Variants in CEP131 observed in about 807,000 individuals in gnomAD.
The protein encoded by CEP131 is centrosomal protein of 131 kDa.
CEP131 carries 99 observed loss-of-function variants against 136.8 expected under a neutral mutation model. The observed-to-expected ratio is 0.72, with a 90% CI of 0.62 to 0.86. CEP131 has a LOEUF of 0.86. Among genes scored for constraint, CEP131 ranks in the 40% least tolerant of loss-of-function variants. The probability of loss-of-function intolerance (pLI) is 0.00; values close to 1 mark genes in which losing one functional copy is unlikely to be tolerated. For synonymous variants in CEP131, 646 were observed against 612.7 expected (o/e 1.05, Z -0.80); for missense variants, 1,459 against 1,463.0 (o/e 1.00, Z 0.04).
At chr17:81,196,021 C>A (rs1339608951) in intron 15 of CEP131, 70 bp from the exon 16 acceptor site, 21 of 1,312,140 alleles carry the variant, frequency 1.6e-5, no homozygotes, top group South Asian at 1.4e-4. Context: ...ATGGAGGAGA[C>A]CCTCCCAGCC....
At chr17:81,213,168 T>C (rs1450541278) in intron 2 of CEP131, among the ~76,000 whole-genome samples, 1 of 152,138 alleles carries the variant, frequency 6.6e-6, no homozygotes, top group Non-Finnish European at 1.5e-5. Context: ...GCCAAAGCTG[T>C]GACAATGAGA....
chr17:81,202,220 A>G lies in CEP131; in HGVS notation c.788+20T>C. The G allele has an allele frequency of 1.1e-6, 1 of 910,090 alleles. No homozygotes were observed. The highest frequency in any genetic ancestry group is 2.0e-5 in the South Asian group (1 of 49,910). 56.4% of individuals were successfully genotyped at this position (910,090 alleles called of 1,614,324 possible). A position where few individuals can be genotyped will look rare whatever the true frequency, so the allele number is the denominator to read the frequency against. On this transcript the variant is annotated intron_variant, in intron 7 of 25. Coordinates refer to ENST00000450824, the MANE Select transcript of CEP131 (RefSeq NM_014984.4). Reference sequence around the variant, plus strand: ...GTGTTCTAGGCTCAGGCCCCCCCCCACCGCCCCAAGATCGGTCACCTCTCA... The same window carrying G: ...GTGTTCTAGGCTCAGGCCCCCCCCCGCCGCCCCAAGATCGGTCACCTCTCA...
At chr17:81,205,194 G>A (rs923604882) in intron 5 of CEP131, among the ~76,000 whole-genome samples, 2 of 150,146 alleles carry the variant, frequency 1.3e-5, no homozygotes, top group Non-Finnish European at 3.0e-5. Context: ...GGGAAGCGGA[G>A]GTTGCGGTGA....
At chr17:81,198,523 T>C (rs533874234) in intron 11 of CEP131, among the ~76,000 whole-genome samples, 3 of 152,150 alleles carry the variant, frequency 2.0e-5, no homozygotes, top group Non-Finnish European at 4.4e-5. Context: ...AGTGCCCCAC[T>C]CCAGGAAAAC....
In CEP131 at chr17:81,191,232, G is replaced by A. The variant is rs762698805; in HGVS notation, c.2726C>T (p.Ala909Val). The change falls in exon 22 of 26, where the codon GCG (alanine) becomes GTG (valine). Residue 909 changes from alanine (A) to valine (V), a missense_variant. Around this residue, in one of 3 missense-constraint regions of CEP131, gnomAD observed 1,026 missense variants for 964.2 expected, o/e 1.06. Transcript: ENST00000450824. The part of the protein sequence containing the change: ...LVIHRLEADM[A>V]LAKEESEKAA... ...CTTCTCACTCTCCTCCTTGGCCAGC[G>A]CCATGTCGGCCTCCAGCCGGTGAAT... 1.1e-5 allele frequency: 17 copies of A among 1,612,960 alleles called. No homozygotes were observed. In the African/African-American group the frequency reaches 1.9e-4, roughly 18 times the overall value.
rs2062068618 is a variant in CEP131, at chr17:81,208,728, AG to A, written c.272+199del. 6.6e-6 allele frequency among the ~76,000 whole-genome samples: 1 copy of A among 152,164 alleles called. No individual in the cohort carries two copies. The highest frequency in any genetic ancestry group is 1.5e-5 in the Non-Finnish European group (1 of 68,012). On this transcript the variant is annotated intron_variant, in intron 3 of 25. Coordinates refer to ENST00000450824, the MANE Select transcript of CEP131 (RefSeq NM_014984.4). This position sits in a 1 kb window ranked among gnomAD's most constrained non-coding sequence, Gnocchi z 5.6. ...TGCAGTGCAGGAGAGTGTCTGCCTC[AG>A]GCCTCCCGCCCCAATGCGAGAGGAG...
intron 1 of CEP131, among the ~76,000 whole-genome samples, chr17:81,220,644 G>C (rs1186379895): frequency 1.3e-5 from 2 of 151,906 alleles, no homozygotes; most frequent in African/African-American, 4.8e-5. Flanking sequence ...ACAGGTGCCC[G>C]CCACCACGCC....
chr17:81,204,901 T>C (rs983266360), intron 5 of CEP131, among the ~76,000 whole-genome samples: 3 of 152,194 alleles, frequency 2.0e-5, no homozygotes, highest in African/African-American at 4.8e-5. Context: ...GTGAATAACC[T>C]ACCAGGACTG....
intron 11 of CEP131, 37 bp from the exon 12 acceptor site, chr17:81,198,334 C>T: frequency 1.9e-6 from 3 of 1,541,960 alleles, no homozygotes; most frequent in Non-Finnish European, 1.8e-6. Context: ...AGCAAGGCTG[C>T]TGGTAGCTGA....
intron 7 of CEP131, among the ~76,000 whole-genome samples, chr17:81,201,160 A>C (rs996166138): frequency 1.3e-5 from 2 of 152,188 alleles, no homozygotes; most frequent in Non-Finnish European, 2.9e-5. Flanking sequence ...AGAACCCAGA[A>C]CGTGTGAGCC....
At chr17:81,194,618 G>GC (rs1279704908) in intron 17 of CEP131, among the ~76,000 whole-genome samples, 1 of 152,210 alleles carries the variant, frequency 6.6e-6, no homozygotes, top group Non-Finnish European at 1.5e-5. Flanking sequence ...GAGGCACTGA[G>GC]CCCCCTCGTT....
chr17:81,219,330 T>A lies in CEP131; in HGVS notation c.177+550A>T, dbSNP rs2062332075. 6.9e-6 allele frequency among the ~76,000 whole-genome samples: 1 copy of A among 144,418 alleles called. No individual in the cohort carries two copies. The highest frequency in any genetic ancestry group is 1.5e-5 in the Non-Finnish European group (1 of 66,932). 94.7% of individuals were successfully genotyped at this position (144,418 alleles called of 152,430 possible). On this transcript the variant is annotated intron_variant, in intron 2 of 25. Coordinates refer to ENST00000450824, the MANE Select transcript of CEP131 (RefSeq NM_014984.4). The surrounding 1 kb of genome is among the most constrained non-coding windows in gnomAD (Gnocchi z 4.0). The stretch of plus-strand genomic sequence containing the variant: ...TTTTTTTTGAGATGGCATCTCACTC[T>A]GTCGCCAGGCTGGAGTGCAACGGCA...
At chr17:81,202,996 C>T (rs2061927700) in intron 6 of CEP131, among the ~76,000 whole-genome samples, 2 of 152,128 alleles carry the variant, frequency 1.3e-5, no homozygotes, top group Non-Finnish European at 2.9e-5. Flanking sequence ...GAGAAAGTTC[C>T]CAAAAGTCAC....
intron 7 of CEP131, among the ~76,000 whole-genome samples, chr17:81,201,113 G>A (rs1261601232): frequency 6.6e-6 from 1 of 152,198 alleles, no homozygotes; most frequent in Non-Finnish European, 1.5e-5. Flanking sequence ...TGGCTCTCGG[G>A]ACCATGTGTG....
At chr17:81,196,023 C>T in intron 15 of CEP131, 72 bp from the exon 16 acceptor site, 1 of 1,299,304 alleles carries the variant, frequency 7.7e-7, no homozygotes, top group Non-Finnish European at 1.1e-6. Context: ...GGAGGAGACC[C>T]TCCCAGCCTC....
intron 5 of CEP131, among the ~76,000 whole-genome samples, chr17:81,206,159 A>C (rs1455578027): frequency 8.5e-5 from 13 of 152,162 alleles, no homozygotes; most frequent in African/African-American, 3.1e-4. Flanking sequence ...GGTTGCAGTG[A>C]GCCGAGATCA....
In CEP131 at chr17:81,198,197, G is replaced by A. The variant is rs1198172272; in HGVS notation, c.1388C>T (p.Thr463Ile). Residue 463 changes from threonine (T) to isoleucine (I), a missense_variant, in exon 12 of 26, where the codon ACA (threonine) becomes ATA (isoleucine). Thr to Ile is a moderately conservative substitution (Grantham distance 89). This residue lies in a region of CEP131 where 1,026 missense variants were observed against 964.2 expected (regional missense o/e 1.06). Coordinates refer to ENST00000450824, the MANE Select transcript of CEP131 (RefSeq NM_014984.4). Reference sequence around the variant, plus strand: ...CGGCTCCTTCTCCAGCAGCTGCAGTGTGTGCAGCAGCTCCTCCAGTGGCCC... The same window carrying A: ...CGGCTCCTTCTCCAGCAGCTGCAGTATGTGCAGCAGCTCCTCCAGTGGCCC... ...SRGPLEELLHTLQLLEKEPDV... is the reference protein window; with the variant it reads ...SRGPLEELLHILQLLEKEPDV... 6.3e-7 allele frequency: 1 copy of A among 1,589,552 alleles called. No homozygotes were observed.
At chr17:81,197,574 G>C in intron 13 of CEP131, 138 bp downstream of exon 13, 1 of 1,298,330 alleles carries the variant, frequency 7.7e-7, no homozygotes, top group Non-Finnish European at 1.0e-6. Context: ...TGGGGGCCGG[G>C]TGGGGGCTGG....
rs550047149 is a variant in CEP131, at chr17:81,190,174, T to C, written c.3108-199A>G. ...CAGGACCCAACACAGGCCACTGGAGTATGACCCTGGCCACACCTGGGGAGG... is the reference window on the plus strand; with the variant it reads ...CAGGACCCAACACAGGCCACTGGAGCATGACCCTGGCCACACCTGGGGAGG... On this transcript the variant is annotated intron_variant, in intron 24 of 25. Coordinates refer to ENST00000450824, the MANE Select transcript of CEP131 (RefSeq NM_014984.4). Among the ~76,000 whole-genome samples, 38 of 151,974 alleles carry C rather than the reference T, an allele frequency of 2.5e-4. No individual in the cohort carries two copies. In the South Asian group the frequency reaches 7.1e-3, roughly 28 times the overall value.
Sources: gnomAD v4.1 joint callset for allele counts (sites outside exome capture counted in the v4.1 genomes callset) on GRCh38, gnomAD v4.1.1 for gene constraint, gnomAD v4.1.1 regional missense constraint, Gnocchi (gnomAD v3.1) non-coding constraint, MANE v1.5 for transcripts, NCBI Gene and HGNC (gene_info 2026-07-23, HGNC 2026-07-21) for gene names.